EVX1: variants seen among roughly 807,000 people sequenced by gnomAD.
EVX1 encodes the protein homeobox even-skipped homolog protein 1.
In EVX1, 19 loss-of-function variants were observed where a neutral mutation model predicts 28.6. The observed-to-expected ratio is 0.67, with a 90% CI of 0.46 to 0.98. The LOEUF (loss-of-function observed/expected upper bound fraction) is 0.98. Ranked by LOEUF, EVX1 falls within the 50% of genes least tolerant of loss-of-function variation. The probability of loss-of-function intolerance (pLI) is 0.00; values close to 1 mark genes in which losing one functional copy is unlikely to be tolerated. For synonymous variants in EVX1, 324 were observed against 278.2 expected, an observed-to-expected ratio of 1.16 and a Z score of -1.64; for missense variants, 660 against 583.0, an observed-to-expected ratio of 1.13 and a Z score of -1.36.
intron 1 of EVX1, 88 bp downstream of exon 1, chr7:27,243,545 C>T: frequency 7.1e-7 from 1 of 1,411,498 alleles, no homozygotes; most frequent in Non-Finnish European, 9.4e-7. Flanking sequence ...ACTCCCTTCC[C>T]CTAGGGCAGG....
chr7:27,245,806 C>A (rs1783155796), intron 2 of EVX1, 80 bp from the exon 3 acceptor site: 1 of 1,522,228 alleles, frequency 6.6e-7, no homozygotes, highest in Admixed American at 2.0e-5. Context: ...CGAACACTGT[C>A]CCCGGAGCGG....
At chr7:27,245,849 A>G in intron 2 of EVX1, 37 bp from the exon 3 acceptor site, 1 of 1,595,886 alleles carries the variant, frequency 6.3e-7, no homozygotes. Flanking sequence ...CATCGGGCCA[A>G]GTCCAGCTAC....
rs895749006 is a variant in EVX1, at chr7:27,243,133, C to G, written c.103C>G (p.Leu35Val). Reference sequence around the variant, plus strand: ...TTTGTCCGAAGCCGTGGGCAGCCCGCTGCCGGAGCCGCCCGAGAAAATGGT... The same window carrying G: ...TTTGTCCGAAGCCGTGGGCAGCCCGGTGCCGGAGCCGCCCGAGAAAATGGT... Reference protein sequence around the residue: ...SNLSEAVGSPLPEPPEKMVPR... With the variant: ...SNLSEAVGSPVPEPPEKMVPR... Residue 35 changes from leucine (L) to valine (V), a missense_variant, in exon 1 of 3, where the codon CTG becomes GTG. Physicochemically the swap from Leu to Val is conservative, Grantham distance 32. Around this residue, in one of 3 missense-constraint regions of EVX1, gnomAD observed 308 missense variants for 256.6 expected, o/e 1.20. Transcript: ENST00000496902. 36 of 1,607,272 alleles carry G rather than the reference C, an allele frequency of 2.2e-5. No individual in the cohort carries two copies. The highest frequency in any genetic ancestry group is 3.0e-5 in the Non-Finnish European group (35 of 1,177,034).
rs1044135932 is a variant in EVX1 at position 27,242,912 on chromosome 7, G to C, written c.-119G>C. On this transcript the variant is annotated 5_prime_UTR_variant, in exon 1 of 3. Transcript: ENST00000496902. ...GCTCCAGCAGCTCCGCGCCCTCCCAGGCACCCGGCCTTTCTTTCTCCCTCT... is the reference window on the plus strand; with the variant it reads ...GCTCCAGCAGCTCCGCGCCCTCCCACGCACCCGGCCTTTCTTTCTCCCTCT... The C allele has an allele frequency of 5.6e-5, 66 of 1,181,200 alleles. 2 individuals carry two copies. In the South Asian group the frequency reaches 1.1e-3, roughly 19 times the overall value. The allele number at this position is 1,181,200 out of a possible 1,614,324, so 73.2% of individuals were successfully genotyped here.
chr7:27,242,980 G>T lies in EVX1; in HGVS notation c.-51G>T. ...CGGCCGCTGGAGACCCAGGGAGCCG[G>T]GGTTAGGAACTCACTTGGGGCTTTC... On this transcript the variant is annotated 5_prime_UTR_variant, in exon 1 of 3. Coordinates refer to ENST00000496902, the MANE Select transcript of EVX1 (RefSeq NM_001989.5). 2 of 1,450,370 alleles carry T rather than the reference G, an allele frequency of 1.4e-6. No individual in the cohort carries two copies. The highest frequency in any genetic ancestry group is 2.6e-5 in the East Asian group (1 of 37,916). 89.8% of individuals were successfully genotyped at this position (1,450,370 alleles called of 1,614,324 possible).
At position 27,245,940 on chromosome 7, in the gene EVX1, T is replaced by C; in HGVS notation, c.739T>C (p.Trp247Arg). The change falls in exon 3 of 3, where the codon TGG becomes CGG. Residue 247 changes from tryptophan (W) to arginine (R), a missense_variant. Trp to Arg is a moderately radical substitution (Grantham distance 101). Coordinates refer to ENST00000496902, the MANE Select transcript of EVX1 (RefSeq NM_001989.5). The part of the protein sequence containing the change: ...KDKRQRLAMT[W>R]PHPADPAFYT... ...CAAGCGGCAGCGCCTGGCCATGACGTGGCCGCACCCGGCGGACCCCGCCTT... is the reference window on the plus strand; with the variant it reads ...CAAGCGGCAGCGCCTGGCCATGACGCGGCCGCACCCGGCGGACCCCGCCTT... 6.2e-7 allele frequency: 1 copy of C among 1,610,832 alleles called. No individual in the cohort carries two copies. The highest frequency in any genetic ancestry group is 8.5e-7 in the Non-Finnish European group (1 of 1,179,800).
Position 27,245,200 on chromosome 7 carries a change from C to G in EVX1, c.580C>G (p.Gln194Glu). Residue 194 changes from glutamine to glutamate, a missense_variant, in exon 2 of 3, where the codon CAG becomes GAG. This residue lies in a region of EVX1 where 53 missense variants were observed against 85.1 expected (regional missense o/e 0.62). Coordinates refer to ENST00000496902, the MANE Select transcript of EVX1 (RefSeq NM_001989.5). ...TTACCGCACCGCCTTCACCCGAGAGCAGATTGCGCGGCTGGAGAAGGAATT... is the reference window on the plus strand; with the variant it reads ...TTACCGCACCGCCTTCACCCGAGAGGAGATTGCGCGGCTGGAGAAGGAATT... ...RRYRTAFTREQIARLEKEFYR... is the reference protein window; with the variant it reads ...RRYRTAFTREEIARLEKEFYR... 6.2e-7 allele frequency: 1 copy of G among 1,613,672 alleles called. No homozygotes were observed. The highest frequency in any genetic ancestry group is 1.6e-4 in the Middle Eastern group (1 of 6,062).
chr7:27,244,987 A>C (rs1245882543), intron 1 of EVX1, 61 bp from the exon 2 acceptor site: 3 of 1,563,736 alleles, frequency 1.9e-6, no homozygotes, highest in Non-Finnish European at 2.6e-6. Flanking sequence ...CTACAGCCCC[A>C]CTTCAATGGC....
chr7:27,243,478 C>T (rs1783084006), intron 1 of EVX1, 21 bp downstream of exon 1: 1 of 1,548,944 alleles, frequency 6.5e-7, no homozygotes, highest in South Asian at 1.2e-5. Context: ...TGCCCCTCCG[C>T]TCCCCGGGCC....
Position 27,244,366 on chromosome 7 carries a change from T to TGG in EVX1, c.428-678_428-677dup, listed in dbSNP as rs1261517377. On this transcript the variant is annotated intron_variant, in intron 1 of 2. Coordinates refer to ENST00000496902, the MANE Select transcript of EVX1 (RefSeq NM_001989.5). The stretch of plus-strand genomic sequence containing the variant: ...ACTGTAGGAGTGGGTGGAAAGAGCC[T>TGG]GGGGGCGGGGGGGAGAAAGACCACC... 603 of 306,720 alleles carry TGG rather than the reference T, an allele frequency of 2.0e-3. 7 individuals are homozygous for TGG. Among genetic ancestry groups the TGG allele is most frequent in the African/African-American group, 0.017 (493 of 28,738 alleles). The allele number at this position is 306,720 out of a possible 1,614,324, so 19.0% of individuals were successfully genotyped here. A position where few individuals can be genotyped will look rare whatever the true frequency, so the allele number is the denominator to read the frequency against.
Position 27,245,096 on chromosome 7 carries a change from C to A in EVX1, c.476C>A (p.Thr159Asn). 6.2e-7 allele frequency: 1 copy of A among 1,613,086 alleles called. No individual in the cohort carries two copies. Among genetic ancestry groups the A allele is most frequent in the Non-Finnish European group, 8.5e-7 (1 of 1,179,940 alleles). Residue 159 changes from threonine (T) to asparagine (N), a missense_variant, in exon 2 of 3, where the codon ACC becomes AAC. This residue lies in a region of EVX1 where 308 missense variants were observed against 256.6 expected (regional missense o/e 1.20). Transcript: ENST00000496902. ...GGCAGTCCGAACGGAGGGAGCGAGA[C>A]CCCCAAGAGCAACGGCGGCAGTGGT... ...LVGSPNGGSE[T>N]PKSNGGSGGG... is the part of the protein sequence containing the mutation.
chr7:27,244,998 G>C, intron 1 of EVX1, 50 bp from the exon 2 acceptor site: 1 of 1,577,054 alleles, frequency 6.3e-7, no homozygotes, highest in Non-Finnish European at 8.6e-7. Context: ...CTTCAATGGC[G>C]TTTGTGTGTC....
chr7:27,247,408 TAG>T lies in EVX1; in HGVS notation c.*986_*987del, dbSNP rs1278021433. The T allele has an allele frequency of 6.6e-6, 1 of 152,188 alleles. No individual in the cohort carries two copies. Among genetic ancestry groups the T allele is most frequent in the African/African-American group, 2.4e-5 (1 of 41,424 alleles). The allele number at this position is 152,188 out of a possible 1,614,324, so 9.4% of individuals were successfully genotyped here. On this transcript the variant is annotated 3_prime_UTR_variant, in exon 3 of 3. Transcript: ENST00000496902. ...CCTCTCTCGGTATCTGGCGGTAAATTAGAGGCAATTTTCATCCTTTGCTTGTT... is the reference window on the plus strand; with the variant it reads ...CCTCTCTCGGTATCTGGCGGTAAATTAGGCAATTTTCATCCTTTGCTTGTT...
chr7:27,247,712 G>A lies in EVX1; in HGVS notation c.*1287G>A, dbSNP rs970270069. ...GCTTCACCCTGACTGAGAGGGAGTGGTTCTTCCTGTAGGGAATGAATTTGG... is the reference window on the plus strand; with the variant it reads ...GCTTCACCCTGACTGAGAGGGAGTGATTCTTCCTGTAGGGAATGAATTTGG... On this transcript the variant is annotated 3_prime_UTR_variant, in exon 3 of 3. Transcript: ENST00000496902. 6.6e-6 allele frequency: 1 copy of A among 152,208 alleles called. No individual in the cohort carries two copies. The highest frequency in any genetic ancestry group is 1.5e-5 in the Non-Finnish European group (1 of 68,040). 9.4% of individuals were successfully genotyped at this position (152,208 alleles called of 1,614,324 possible).
chr7:27,245,253 G>A lies in EVX1; in HGVS notation c.633G>A (p.Pro211=). 6.2e-7 allele frequency: 1 copy of A among 1,613,474 alleles called. No individual in the cohort carries two copies. Among genetic ancestry groups the A allele is most frequent in the Non-Finnish European group, 8.5e-7 (1 of 1,180,046 alleles). The part of the protein sequence containing the change: ...EFYRENYVSR[P]RRCELAAALN... ...ACCGGGAGAACTACGTATCCAGGCC[G>A]CGGAGATGTGAGCTGGCGGCCGCCC... The change falls in exon 2 of 3, where the codon CCG becomes CCA. Residue 211 remains proline, a synonymous_variant. Coordinates refer to ENST00000496902, the MANE Select transcript of EVX1 (RefSeq NM_001989.5).
At position 27,245,128 on chromosome 7, in the gene EVX1, G is replaced by A. The variant is rs1417886078; in HGVS notation, c.508G>A (p.Gly170Ser). Residue 170 changes from glycine (G) to serine (S), a missense_variant, in exon 2 of 3, where the codon GGC becomes AGC. Around this residue, in one of 3 missense-constraint regions of EVX1, gnomAD observed 308 missense variants for 256.6 expected, o/e 1.20. Transcript: ENST00000496902. ...GAGCAACGGCGGCAGTGGTGGGGGCGGCTCGCAAGGCACCCTGGCGTGCAG... is the reference window on the plus strand; with the variant it reads ...GAGCAACGGCGGCAGTGGTGGGGGCAGCTCGCAAGGCACCCTGGCGTGCAG... ...PKSNGGSGGG[G>S]SQGTLACSAS... 1.2e-6 allele frequency: 2 copies of A among 1,613,022 alleles called. No homozygotes were observed. The highest frequency in any genetic ancestry group is 1.7e-6 in the Non-Finnish European group (2 of 1,179,946).
At position 27,245,251 on chromosome 7, in the gene EVX1, C is replaced by A; in HGVS notation, c.631C>A (p.Pro211Thr). Residue 211 changes from proline to threonine, a missense_variant, in exon 2 of 3, where the codon CCG becomes ACG. By Grantham distance (38) the Pro-to-Thr change is conservative. Around this residue, in one of 3 missense-constraint regions of EVX1, gnomAD observed 53 missense variants for 85.1 expected, o/e 0.62. Transcript: ENST00000496902. ...CTACCGGGAGAACTACGTATCCAGG[C>A]CGCGGAGATGTGAGCTGGCGGCCGC... ...EFYRENYVSR[P>T]RRCELAAALN... is the part of the protein sequence containing the mutation. 6.2e-7 allele frequency: 1 copy of A among 1,613,478 alleles called. No individual in the cohort carries two copies. Among genetic ancestry groups the A allele is most frequent in the Non-Finnish European group, 8.5e-7 (1 of 1,180,040 alleles).
At position 27,244,902 on chromosome 7, in the gene EVX1, G is replaced by T. The variant is rs185614424; in HGVS notation, c.428-146G>T. On this transcript the variant is annotated intron_variant, in intron 1 of 2. Transcript: ENST00000496902. The stretch of plus-strand genomic sequence containing the variant: ...TCCCTTCTTGGGTTCCCCAGAGGCC[G>T]CAGTACCCTAGCAGAAACAGTTACT... The T allele has an allele frequency of 3.9e-6, 5 of 1,296,134 alleles. No individual in the cohort carries two copies. The African/African-American group carries it at 4.4e-5, about 11-fold the overall frequency. 80.3% of individuals were successfully genotyped at this position (1,296,134 alleles called of 1,614,324 possible).
At position 27,245,876 on chromosome 7, in the gene EVX1, C is replaced by T. The variant is rs1452340213; in HGVS notation, c.685-10C>T. The T allele has an allele frequency of 1.2e-6, 2 of 1,608,890 alleles. No homozygotes were observed. Among genetic ancestry groups the T allele is most frequent in the East Asian group, 4.5e-5 (2 of 44,696 alleles). On this transcript the variant is annotated splice_polypyrimidine_tract_variant and intron_variant, in intron 2 of 2. Transcript: ENST00000496902. ...TCCAGCTACTGAACCTGCTCCGCTC[C>T]TCTCCCCAGGTGTGGTTCCAGAACC... is the stretch of plus-strand genomic sequence containing the variant.
Sources: allele counts gnomAD v4.1 joint callset, GRCh38; gene constraint gnomAD v4.1.1; regional missense constraint gnomAD v4.1.1; transcripts MANE v1.5; gene names NCBI Gene and HGNC (gene_info 2026-07-23, HGNC 2026-07-21).